Variants in MAP2K4 observed in about 807,000 individuals in gnomAD.
MAP2K4 encodes dual specificity mitogen-activated protein kinase kinase 4.
In MAP2K4, 4 loss-of-function variants were observed where a neutral mutation model predicts 48.5. The observed-to-expected ratio is 0.08, with a 90% confidence interval of 0.04 to 0.19. The LOEUF is 0.19. Ranked by LOEUF, MAP2K4 falls within the 10% of genes least tolerant of loss-of-function variation. The probability of loss-of-function intolerance (pLI) is 1.00; values close to 1 mark genes in which losing one functional copy is unlikely to be tolerated. For synonymous variants in MAP2K4, 166 were observed against 173.1 expected, an observed-to-expected ratio of 0.96 and a Z score of 0.32; for missense variants, 258 against 493.3, an observed-to-expected ratio of 0.52 and a Z score of 4.52.
intron 1 of MAP2K4, among the ~76,000 whole-genome samples, chr17:12,039,248 G>A (rs1022240993): frequency 6.6e-6 from 1 of 152,188 alleles, no homozygotes; most frequent in Non-Finnish European, 1.5e-5. Context: ...GGACAAGGTG[G>A]CACAGCCATG....
At chr17:12,026,660 T>C (rs941859519) in intron 1 of MAP2K4, among the ~76,000 whole-genome samples, 16 of 152,234 alleles carry the variant, frequency 1.1e-4, no homozygotes, top group African/African-American at 3.1e-4. Context: ...TGCATGGTTC[T>C]CTGAGCCTCT....
At chr17:12,116,014 A>G (rs1327583892) in intron 7 of MAP2K4, 3 of 368,300 alleles carry the variant, frequency 8.1e-6, no homozygotes, top group Non-Finnish European at 1.6e-5. Flanking sequence ...CAGAGAAAAA[A>G]ACCAAATGAC....
chr17:12,087,700 A>G (rs1386491220), intron 3 of MAP2K4, among the ~76,000 whole-genome samples: 2 of 152,140 alleles, frequency 1.3e-5, no homozygotes, highest in African/African-American at 4.8e-5. Context: ...TGATTTTTGC[A>G]ATTAAGAATT....
chr17:12,117,195 C>T (rs1972530116), intron 7 of MAP2K4, among the ~76,000 whole-genome samples: 1 of 152,142 alleles, frequency 6.6e-6, no homozygotes, highest in African/African-American at 2.4e-5. Context: ...CATTCTTCTA[C>T]ATAACCACGA....
intron 3 of MAP2K4, among the ~76,000 whole-genome samples, chr17:12,084,327 G>C (rs924035334): frequency 6.6e-6 from 1 of 152,176 alleles, no homozygotes; most frequent in Non-Finnish European, 1.5e-5. Context: ...GTGAGTTTCT[G>C]CATTAGGACC....
chr17:12,100,151 A>G (rs1971893457), intron 4 of MAP2K4, among the ~76,000 whole-genome samples: 2 of 152,204 alleles, frequency 1.3e-5, no homozygotes, highest in African/African-American at 4.8e-5. Context: ...CTGTAGAATT[A>G]TCACCAAAAT....
chr17:12,043,760 C>T (rs572878820), intron 1 of MAP2K4, among the ~76,000 whole-genome samples: 7 of 152,096 alleles, frequency 4.6e-5, no homozygotes, highest in Admixed American at 1.3e-4. Flanking sequence ...GTGACCTTTC[C>T]GTGCACACTA....
intron 8 of MAP2K4, among the ~76,000 whole-genome samples, chr17:12,125,969 C>T (rs958635622): frequency 1.3e-5 from 2 of 152,090 alleles, no homozygotes; most frequent in Non-Finnish European, 2.9e-5. Context: ...TGCCTCACAG[C>T]TCCACAGGTC....
chr17:12,130,264 T>A lies in MAP2K4; in HGVS notation c.1040+977T>A, dbSNP rs1972981134. ...ATCTTCTGTAACCAAATTCTACTTT[T>A]GTGTTGGTTTTTCAGAGGGGAGAGG... On this transcript the variant is annotated intron_variant, in intron 9 of 10. Transcript: ENST00000353533. 2.0e-5 allele frequency among the ~76,000 whole-genome samples: 3 copies of A among 152,182 alleles called. No individual in the cohort carries two copies. The South Asian group carries it at 6.2e-4, about 32-fold the overall frequency.
At position 12,088,857 on chromosome 17, in the gene MAP2K4, A is replaced by G. The variant is rs1276102170; in HGVS notation, c.394-6718A>G. Among the ~76,000 whole-genome samples the G allele has an allele frequency of 6.0e-5, 9 of 150,492 alleles. No individual in the cohort carries two copies. The East Asian group carries it at 1.6e-3, about 26-fold the overall frequency. On this transcript the variant is annotated intron_variant, in intron 3 of 10. Transcript: ENST00000353533. ...TGTCTTGGGTGTGGTGGTTTTAGCC[A>G]TCATATAATTGGACAGGACAATTGG...
chr17:12,114,722 A>C (rs1443416238), intron 7 of MAP2K4, among the ~76,000 whole-genome samples: 2 of 152,218 alleles, frequency 1.3e-5, no homozygotes, highest in Admixed American at 1.3e-4. Context: ...ACTAAGAATT[A>C]TATTTGATTG....
chr17:12,074,625 A>T (rs1567646306), intron 2 of MAP2K4, among the ~76,000 whole-genome samples: 1 of 152,122 alleles, frequency 6.6e-6, no homozygotes, highest in Non-Finnish European at 1.5e-5. Context: ...TAGGTTCCTC[A>T]CAATCATCCG....
chr17:12,115,093 T>C (rs1567667097), intron 7 of MAP2K4, among the ~76,000 whole-genome samples: 1 of 152,226 alleles, frequency 6.6e-6, no homozygotes. Context: ...GGTATATCAT[T>C]TTATTTGAGA....
At chr17:12,092,749 G>A (rs185783446) in intron 3 of MAP2K4, among the ~76,000 whole-genome samples, 7 of 152,196 alleles carry the variant, frequency 4.6e-5, no homozygotes, top group African/African-American at 1.7e-4. Context: ...TTAGCAGGTC[G>A]GTCACAGTGG....
At chr17:12,123,957 G>A (rs1045308938) in intron 7 of MAP2K4, among the ~76,000 whole-genome samples, 3 of 152,134 alleles carry the variant, frequency 2.0e-5, no homozygotes, top group Admixed American at 6.5e-5. Context: ...ATTAATCAAT[G>A]TTCCATGCTA....
intron 1 of MAP2K4, among the ~76,000 whole-genome samples, chr17:12,035,760 T>C (rs1053349068): frequency 3.3e-5 from 5 of 152,340 alleles, no homozygotes; most frequent in African/African-American, 1.2e-4. Context: ...ATCATTCAAG[T>C]CTGATAAGTC....
At chr17:12,117,231 AAAC>A (rs1972531489) in intron 7 of MAP2K4, among the ~76,000 whole-genome samples, 1 of 152,168 alleles carries the variant, frequency 6.6e-6, no homozygotes, top group Non-Finnish European at 1.5e-5. Context: ...TAAAAAAAAC[AAAC>A]AAGAATGTCA....
chr17:12,115,751 A>G, intron 7 of MAP2K4: 2 of 764,896 alleles, frequency 2.6e-6, no homozygotes, highest in Non-Finnish European at 4.9e-6. Flanking sequence ...GACCTGTGTA[A>G]TTATGCAAAA....
At chr17:12,091,591 A>G (rs1360142076) in intron 3 of MAP2K4, among the ~76,000 whole-genome samples, 3 of 152,198 alleles carry the variant, frequency 2.0e-5, no homozygotes, top group Non-Finnish European at 4.4e-5. Flanking sequence ...AGAACCATGC[A>G]TAATATTAAT....
Sources: gnomAD v4.1 joint callset for allele counts (sites outside exome capture counted in the v4.1 genomes callset) on GRCh38, gnomAD v4.1.1 for gene constraint, MANE v1.5 for transcripts, NCBI Gene and HGNC (gene_info 2026-07-23, HGNC 2026-07-21) for gene names.